WWOX: variants seen among roughly 807,000 people sequenced by gnomAD.
WWOX encodes the protein WW domain-containing oxidoreductase.
Under a neutral mutation model 46.2 loss-of-function variants are expected in WWOX, and 69 were observed. The observed-to-expected ratio is 1.49, with a 90% CI of 1.23 to 1.82. The LOEUF (loss-of-function observed/expected upper bound fraction) is 1.82, where lower values mean the gene tolerates loss of function less well. Ranked by LOEUF, WWOX falls within the 40% of genes most tolerant of loss-of-function variation. The pLI, the probability that WWOX is intolerant of heterozygous loss-of-function variation, is 0.00. For synonymous variants in WWOX, 359 were observed against 202.6 expected, an observed-to-expected ratio of 1.77 and a Z score of -6.56; for missense variants, 919 against 542.6, an observed-to-expected ratio of 1.69 and a Z score of -6.89.
At chr16:78,136,478 A>G (rs2033794607) in intron 4 of WWOX, among the ~76,000 whole-genome samples, 1 of 152,128 alleles carries the variant, frequency 6.6e-6, no homozygotes, top group South Asian at 2.1e-4. Flanking sequence ...AGTCTTCATC[A>G]TGGGGCCTGT....
chr16:78,198,019 G>A (rs2036110702), intron 5 of WWOX, among the ~76,000 whole-genome samples: 1 of 151,912 alleles, frequency 6.6e-6, no homozygotes. Flanking sequence ...GCAAAGGGCA[G>A]TTTTCACTCC....
intron 8 of WWOX, among the ~76,000 whole-genome samples, chr16:79,090,876 C>T (rs939580385): frequency 2.0e-5 from 3 of 152,140 alleles, no homozygotes; most frequent in African/African-American, 7.2e-5. Context: ...TCACTGCAAC[C>T]TTTGCCTCCT....
intron 8 of WWOX, among the ~76,000 whole-genome samples, chr16:78,515,928 A>C (rs183697233): frequency 2.0e-5 from 3 of 152,228 alleles, no homozygotes; most frequent in Admixed American, 2.0e-4. Context: ...ACGTGTTGTT[A>C]GGTTTCATTT....
intron 8 of WWOX, among the ~76,000 whole-genome samples, chr16:78,744,481 G>C (rs1318246914): frequency 7.1e-6 from 1 of 141,772 alleles, no homozygotes; most frequent in Non-Finnish European, 1.5e-5. Flanking sequence ...ACCCAGGCTG[G>C]AGTGCAGTGG....
intron 1 of WWOX, among the ~76,000 whole-genome samples, chr16:78,101,251 G>A (rs1174308302): frequency 6.7e-6 from 1 of 149,948 alleles, no homozygotes; most frequent in East Asian, 2.0e-4. Flanking sequence ...GTTTCACCGT[G>A]TTAGCCAGGA....
At chr16:78,628,177 G>C (rs1477159854) in intron 8 of WWOX, among the ~76,000 whole-genome samples, 1 of 151,434 alleles carries the variant, frequency 6.6e-6, no homozygotes, top group African/African-American at 2.5e-5. Flanking sequence ...TGGATGCTTG[G>C]AATTGTCATG....
chr16:78,118,867 C>T (rs1284649218), intron 4 of WWOX: 1 of 152,130 alleles, frequency 6.6e-6, no homozygotes, highest in Admixed American at 6.5e-5. Flanking sequence ...GCCTGAAACC[C>T]CCGCCTTTTT....
At chr16:78,563,233 C>G (rs964999302) in intron 8 of WWOX, among the ~76,000 whole-genome samples, 2 of 152,186 alleles carry the variant, frequency 1.3e-5, no homozygotes, top group Admixed American at 1.3e-4. Context: ...TTGCAAAACA[C>G]TTTGACAATA....
intron 8 of WWOX, among the ~76,000 whole-genome samples, chr16:78,636,505 C>CT (rs1437844238): frequency 6.6e-6 from 1 of 152,080 alleles, no homozygotes; most frequent in African/African-American, 2.4e-5. Flanking sequence ...TGTGTACTAT[C>CT]TTTTTTTTCC....
intron 8 of WWOX, among the ~76,000 whole-genome samples, chr16:78,823,423 A>G (rs896416415): frequency 3.3e-5 from 5 of 152,166 alleles, no homozygotes; most frequent in African/African-American, 1.2e-4. Context: ...TAAAGCAGAA[A>G]AATGTAAGGG....
intron 8 of WWOX, among the ~76,000 whole-genome samples, chr16:78,780,742 C>G (rs1597598407): frequency 6.6e-6 from 1 of 152,128 alleles, no homozygotes; most frequent in African/African-American, 2.4e-5. Context: ...GGAGCTCAGC[C>G]TCTTTGTTAG....
At chr16:78,769,843 CAAAAAAT>C (rs2050021192) in intron 8 of WWOX, among the ~76,000 whole-genome samples, 1 of 148,404 alleles carries the variant, frequency 6.7e-6, no homozygotes, top group African/African-American at 2.5e-5. Context: ...CCTGTCTCTA[CAAAAAAT>C]AAAAAATAAA....
rs749992495 is a variant in WWOX, at chr16:78,887,077, GGTGTGTGTGTGT to G, written c.1057-324484_1057-324473del. Among the ~76,000 whole-genome samples the G allele has an allele frequency of 3.4e-3, 206 of 61,354 alleles. 4 individuals are homozygous for G. Among genetic ancestry groups the G allele is most frequent in the East Asian group, 6.5e-3 (13 of 2,010 alleles). The allele number at this position is 61,354 out of a possible 152,430, so 40.3% of individuals were successfully genotyped here. On this transcript the variant is annotated intron_variant, in intron 8 of 8. Transcript: ENST00000566780. Reference sequence around the variant, plus strand: ...AGTCTGGCTATATGTGTGTGTGTGTGGTGTGTGTGTGTGTGTGTGTGTGTGTGTGTGTGTGTG... The same window carrying G: ...AGTCTGGCTATATGTGTGTGTGTGTGGTGTGTGTGTGTGTGTGTGTGTGTG...
intron 8 of WWOX, among the ~76,000 whole-genome samples, chr16:79,109,824 C>T (rs1033504666): frequency 6.6e-6 from 1 of 152,102 alleles, no homozygotes; most frequent in African/African-American, 2.4e-5. Context: ...CTCGATGATA[C>T]CTGCACAGAA....
intron 8 of WWOX, among the ~76,000 whole-genome samples, chr16:78,889,375 G>T (rs951820944): frequency 8.3e-6 from 1 of 120,612 alleles, no homozygotes; most frequent in Non-Finnish European, 1.6e-5. Context: ...TTATACTATG[G>T]ATCAGCAGCC....
At chr16:79,088,509 C>T (rs541893206) in intron 8 of WWOX, among the ~76,000 whole-genome samples, 90 of 152,176 alleles carry the variant, frequency 5.9e-4, no homozygotes, top group African/African-American at 2.0e-3. Flanking sequence ...TTATCTGGGC[C>T]GCTGCAAATA....
In WWOX at chr16:78,425,055, G is replaced by C; in HGVS notation, c.791G>C (p.Arg264Pro). Residue 264 changes from arginine to proline, a missense_variant and splice_region_variant, in exon 7 of 9, where the codon CGA becomes CCA. Coordinates refer to ENST00000566780, the MANE Select transcript of WWOX (RefSeq NM_016373.4). ...ATTGTGGTCTCCTCAGAGTCCCATC[G>C]GTGGGTTTGAATTGCATATTTGTTC... Reference protein sequence around the residue: ...RVIVVSSESHRFTDINDSLGK... With the variant: ...RVIVVSSESHPFTDINDSLGK... 6.2e-7 allele frequency: 1 copy of C among 1,613,422 alleles called. No homozygotes were observed. The highest frequency in any genetic ancestry group is 2.2e-5 in the East Asian group (1 of 44,862).
At chr16:78,548,996 T>C (rs1200109374) in intron 8 of WWOX, among the ~76,000 whole-genome samples, 2 of 152,208 alleles carry the variant, frequency 1.3e-5, no homozygotes, top group Admixed American at 6.5e-5. Flanking sequence ...TGGTGTAATA[T>C]AATTCATGCT....
intron 8 of WWOX, among the ~76,000 whole-genome samples, chr16:78,483,672 G>C (rs990445748): frequency 6.6e-6 from 1 of 151,970 alleles, no homozygotes; most frequent in Non-Finnish European, 1.5e-5. Context: ...CTTAGCTGCT[G>C]TTACTTACTC....
Sources: allele counts gnomAD v4.1 joint callset (sites outside exome capture counted in the v4.1 genomes callset), GRCh38; gene constraint gnomAD v4.1.1; transcripts MANE v1.5; gene names NCBI Gene and HGNC (gene_info 2026-07-23, HGNC 2026-07-21).